SUGP1: variants seen among roughly 807,000 people sequenced by gnomAD.
SUGP1 encodes SURP and G-patch domain containing 1.
In SUGP1, 34 loss-of-function variants were observed where a neutral mutation model predicts 76.5. The ratio of observed to expected loss-of-function variants is 0.44; its 90% CI spans 0.34 to 0.59. The LOEUF (loss-of-function observed/expected upper bound fraction) is 0.59. Among genes scored for constraint, SUGP1 ranks in the 20% least tolerant of loss-of-function variants. The pLI, the probability that SUGP1 is intolerant of heterozygous loss-of-function variation, is 0.01. For synonymous variants in SUGP1, 326 were observed against 326.2 expected, an observed-to-expected ratio of 1.00 and a Z score of 0.01; for missense variants, 752 against 851.7, an observed-to-expected ratio of 0.88 and a Z score of 1.46.
intron 2 of SUGP1, chr19:19,316,156 T>G: frequency 2.1e-6 from 1 of 472,950 alleles, no homozygotes; most frequent in Non-Finnish European, 3.8e-6. Context: ...TTTTACTCTG[T>G]TATACCCCTT....
chr19:19,318,024 T>C (rs1317396970), intron 1 of SUGP1, among the ~76,000 whole-genome samples: 1 of 151,442 alleles, frequency 6.6e-6, no homozygotes, highest in Non-Finnish European at 1.5e-5. Flanking sequence ...TTGTCCAGGC[T>C]GGTCTCGAAC....
intron 7 of SUGP1, among the ~76,000 whole-genome samples, chr19:19,300,281 G>GGCCA (rs1246492792): frequency 6.6e-6 from 1 of 151,586 alleles, no homozygotes; most frequent in Non-Finnish European, 1.5e-5. Context: ...TCGCCATGTT[G>GGCCA]GCCAGGCTGT....
In SUGP1 at chr19:19,302,382, G is replaced by C; in HGVS notation, c.770C>G (p.Pro257Arg). Residue 257 changes from proline to arginine, a missense_variant, in exon 7 of 14, where the codon CCC (proline) becomes CGC (arginine). Physicochemically the swap from Pro to Arg is moderately radical, Grantham distance 103 (BLOSUM62 -2). Transcript: ENST00000247001. The part of the protein sequence containing the change: ...KSQAASQKVS[P>R]PEDEEVKNLA... ...GTTCTTGACCTCTTCGTCCTCTGGG[G>C]GTGAAACTTTAAGCAGGCTGTCAGT... 6.2e-7 allele frequency: 1 copy of C among 1,614,042 alleles called. No homozygotes were observed. Among genetic ancestry groups the C allele is most frequent in the Non-Finnish European group, 8.5e-7 (1 of 1,179,932 alleles).
In SUGP1 at chr19:19,315,064, G is replaced by A. The variant is rs536108940; in HGVS notation, c.206+1358C>T. On this transcript the variant is annotated intron_variant, in intron 2 of 13. Transcript: ENST00000247001. ...AAGGCAAACGCTGCTGGGTGCAGTGGCTCACACCTGTAATCCCTTTGGGAG... is the reference window on the plus strand; with the variant it reads ...AAGGCAAACGCTGCTGGGTGCAGTGACTCACACCTGTAATCCCTTTGGGAG... Among the ~76,000 whole-genome samples, 99 of 152,262 alleles carry A rather than the reference G, an allele frequency of 6.5e-4. 1 individual carries two copies. The highest frequency in any genetic ancestry group is 1.2e-3 in the South Asian group (6 of 4,824).
chr19:19,305,230 A>G (rs926274385), intron 4 of SUGP1, among the ~76,000 whole-genome samples: 5 of 152,188 alleles, frequency 3.3e-5, no homozygotes, highest in Non-Finnish European at 4.4e-5. Flanking sequence ...CTCACCGGCT[A>G]GCCCTTCACA....
chr19:19,313,350 G>A (rs1050959416), intron 2 of SUGP1, among the ~76,000 whole-genome samples: 5 of 152,086 alleles, frequency 3.3e-5, no homozygotes, highest in Admixed American at 1.3e-4. Flanking sequence ...GGCCAAGATC[G>A]CGCCATTGCA....
chr19:19,305,927 C>A lies in SUGP1; in HGVS notation c.460G>T (p.Val154Leu). 6.2e-7 allele frequency: 1 copy of A among 1,613,558 alleles called. No homozygotes were observed. Among genetic ancestry groups the A allele is most frequent in the Non-Finnish European group, 8.5e-7 (1 of 1,179,952 alleles). The change falls in exon 4 of 14, where the codon GTG (valine) becomes TTG (leucine). Residue 154 changes from valine to leucine, a missense_variant. By Grantham distance (32) the Val-to-Leu change is conservative. This residue lies in a region of SUGP1 where 620 missense variants were observed against 617.3 expected (regional missense o/e 1.00). Transcript: ENST00000247001. ...KSYSHAKQLPVAHRPSVFQSP... is the reference protein window; with the variant it reads ...KSYSHAKQLPLAHRPSVFQSP... ...TGGAAGACACTCGGGCGGTGCGCCA[C>A]GGGCAGCTGCTTGGCGTGGGAGTAG... is the stretch of plus-strand genomic sequence containing the variant.
In SUGP1 at chr19:19,292,167, G is replaced by A. The variant is rs2061189949; in HGVS notation, c.1243+4822C>T. Among the ~76,000 whole-genome samples, 9 of 150,870 alleles carry A rather than the reference G, an allele frequency of 6.0e-5. No individual in the cohort carries two copies. In the South Asian group the frequency reaches 1.9e-3, roughly 32 times the overall value. On this transcript the variant is annotated intron_variant, in intron 8 of 13. Coordinates refer to ENST00000247001, the MANE Select transcript of SUGP1 (RefSeq NM_172231.4). ...AGGTGCCTGTAATCCCAGCTACTCG[G>A]GAGGCTGACGTAGGAGAATTGCTTG...
chr19:19,302,199 G>C, intron 7 of SUGP1, 66 bp downstream of exon 7: 3 of 1,597,224 alleles, frequency 1.9e-6, no homozygotes, highest in Non-Finnish European at 2.6e-6. Context: ...TGCTGATCCA[G>C]TGTCCTCCCC....
chr19:19,294,624 G>A (rs959364807), intron 8 of SUGP1, among the ~76,000 whole-genome samples: 2 of 151,530 alleles, frequency 1.3e-5, no homozygotes, highest in Non-Finnish European at 2.9e-5. Context: ...TTTGGCAATT[G>A]TTCCTTAAAA....
chr19:19,288,042 C>T (rs2146599197), intron 8 of SUGP1, among the ~76,000 whole-genome samples: 1 of 152,250 alleles, frequency 6.6e-6, no homozygotes, highest in East Asian at 1.9e-4. Flanking sequence ...AATATATTTT[C>T]TCTTCCTCCC....
At position 19,276,293 on chromosome 19, in the gene SUGP1, C is replaced by T. The variant is rs933673332; in HGVS notation, c.*355G>A. 3.4e-5 allele frequency: 8 copies of T among 231,900 alleles called. No homozygotes were observed. Among genetic ancestry groups the T allele is most frequent in the African/African-American group, 1.6e-4 (7 of 44,170 alleles). 14.4% of individuals were successfully genotyped at this position (231,900 alleles called of 1,614,324 possible). On this transcript the variant is annotated 3_prime_UTR_variant, in exon 14 of 14. Transcript: ENST00000247001. ...CTTAAACTCCTGACCTCCAGTGATC[C>T]GCCCGCCTTGGCCTCTCAAAGTGCT...
chr19:19,290,917 G>A (rs2061177600), intron 8 of SUGP1, among the ~76,000 whole-genome samples: 1 of 152,036 alleles, frequency 6.6e-6, no homozygotes, highest in Non-Finnish European at 1.5e-5. Context: ...AGGAGCTCGA[G>A]ACCAGCCTGG....
chr19:19,309,493 T>C (rs980228270), intron 3 of SUGP1, among the ~76,000 whole-genome samples: 4 of 151,956 alleles, frequency 2.6e-5, no homozygotes, highest in Admixed American at 1.3e-4. Flanking sequence ...AAAACAAAAA[T>C]TACTGGCCGG....
In SUGP1 at chr19:19,277,260, G is replaced by GC. The variant is rs916780634; in HGVS notation, c.1782-185_1782-184insG. On this transcript the variant is annotated intron_variant, in intron 12 of 13. Transcript: ENST00000247001. Reference sequence around the variant, plus strand: ...AGACCCCCGGGGCGGGCGGGGGGGGGGGGCCTAGGCCCCAGGGTCCCACAC... The same window carrying GC: ...AGACCCCCGGGGCGGGCGGGGGGGGGCGGGCCTAGGCCCCAGGGTCCCACAC... Among the ~76,000 whole-genome samples, 8 of 150,776 alleles carry GC rather than the reference G, an allele frequency of 5.3e-5. No homozygotes were observed. In the South Asian group the frequency reaches 1.5e-3, roughly 28 times the overall value.
intron 2 of SUGP1, among the ~76,000 whole-genome samples, chr19:19,314,307 A>T (rs1371920633): frequency 6.6e-6 from 1 of 151,950 alleles, no homozygotes; most frequent in Non-Finnish European, 1.5e-5. Context: ...TGTGTGACAG[A>T]GCAAGACTCG....
Position 19,310,238 on chromosome 19 carries a change from TAG to T in SUGP1, c.207-40_207-39del. The T allele has an allele frequency of 2.0e-6, 3 of 1,531,718 alleles. No individual in the cohort carries two copies. In the African/African-American group the frequency reaches 4.1e-5, roughly 21 times the overall value. The allele number at this position is 1,531,718 out of a possible 1,614,324, so 94.9% of individuals were successfully genotyped here. A position where few individuals can be genotyped will look rare whatever the true frequency, so the allele number is the denominator to read the frequency against. On this transcript the variant is annotated intron_variant, in intron 2 of 13. Coordinates refer to ENST00000247001, the MANE Select transcript of SUGP1 (RefSeq NM_172231.4). ...CAGAGGACAGAGAGGGTGAGCTGGC[TAG>T]AGATGGAGTGAGGGCACCAGAGGAC...
chr19:19,285,710 T>C (rs2061134247), intron 8 of SUGP1, among the ~76,000 whole-genome samples: 1 of 151,942 alleles, frequency 6.6e-6, no homozygotes, highest in South Asian at 2.1e-4. Context: ...GGACTACAAG[T>C]GAACACCACC....
At chr19:19,308,655 C>G (rs1014116330) in intron 3 of SUGP1, among the ~76,000 whole-genome samples, 1 of 152,264 alleles carries the variant, frequency 6.6e-6, no homozygotes, top group Non-Finnish European at 1.5e-5. Flanking sequence ...CCCGGTGTCT[C>G]TGAAAACCCT....
Sources: gnomAD v4.1 joint callset for allele counts (sites outside exome capture counted in the v4.1 genomes callset) on GRCh38, gnomAD v4.1.1 for gene constraint, gnomAD v4.1.1 regional missense constraint, MANE v1.5 for transcripts, NCBI Gene and HGNC (gene_info 2026-07-23, HGNC 2026-07-21) for gene names.